Variants in TMEM87B observed in about 807,000 individuals in gnomAD.
TMEM87B encodes the protein transmembrane protein 87B.
Under a neutral mutation model 80.3 loss-of-function variants are expected in TMEM87B, and 83 were observed. That is an observed-to-expected ratio of 1.03 (90% confidence interval 0.87 to 1.24). TMEM87B has a LOEUF of 1.24. Among genes scored for constraint, TMEM87B ranks in the 50% most tolerant of loss-of-function variants. The pLI, the probability that TMEM87B is intolerant of heterozygous loss-of-function variation, is 0.00. For missense variants in TMEM87B, 625 were observed against 674.4 expected (o/e 0.93, Z 0.81); for synonymous variants, 219 against 230.5 (o/e 0.95, Z 0.45).
chr2:112,075,128 A>G (rs1678769449), intron 5 of TMEM87B, among the ~76,000 whole-genome samples, 166 bp downstream of exon 5: 1 of 152,250 alleles, frequency 6.6e-6, no homozygotes, highest in East Asian at 1.9e-4. Context: ...GGCCAGGTGC[A>G]GTGGCTCCTG....
intron 8 of TMEM87B, 31 bp from the exon 9 acceptor site, chr2:112,085,974 A>G (rs369524273): frequency 1.1e-5 from 18 of 1,594,768 alleles, no homozygotes; most frequent in East Asian, 2.3e-5. Flanking sequence ...GGTGTAGACA[A>G]AGTGAATTAT....
intron 3 of TMEM87B, among the ~76,000 whole-genome samples, chr2:112,066,251 A>T (rs551847502): frequency 6.6e-6 from 1 of 152,322 alleles, no homozygotes; most frequent in Non-Finnish European, 1.5e-5. Context: ...ATTCTACTAT[A>T]AGGATGCACT....
At chr2:112,071,449 C>G (rs1249636730) in intron 4 of TMEM87B, among the ~76,000 whole-genome samples, 1 of 151,994 alleles carries the variant, frequency 6.6e-6, no homozygotes, top group African/African-American at 2.4e-5. Context: ...TTACAGGCAC[C>G]TGTGACCATG....
At chr2:112,060,975 A>G (rs1451173243) in intron 2 of TMEM87B, among the ~76,000 whole-genome samples, 1 of 152,234 alleles carries the variant, frequency 6.6e-6, no homozygotes, top group African/African-American at 2.4e-5. Flanking sequence ...GATTTTTAAA[A>G]CTAGATAAAT....
chr2:112,087,271 G>A (rs926117961), intron 9 of TMEM87B, among the ~76,000 whole-genome samples: 1 of 152,012 alleles, frequency 6.6e-6, no homozygotes, highest in Non-Finnish European at 1.5e-5. Context: ...AAAGAGCCCT[G>A]GACCACACTG....
chr2:112,072,862 GTTAA>G (rs1233743328), intron 4 of TMEM87B, among the ~76,000 whole-genome samples: 36 of 119,444 alleles, frequency 3.0e-4, no homozygotes, highest in African/African-American at 1.1e-3. Flanking sequence ...ATGTTAGGTT[GTTAA>G]TTAATTTGAG....
chr2:112,077,030 C>T (rs1678843486), intron 5 of TMEM87B, among the ~76,000 whole-genome samples, 162 bp from the exon 6 acceptor site: 1 of 132,964 alleles, frequency 7.5e-6, no homozygotes, highest in Admixed American at 7.5e-5. Flanking sequence ...ATGGTGAGAC[C>T]CCCATCTCAA....
At chr2:112,111,381 G>T (rs1188315726) in intron 17 of TMEM87B, among the ~76,000 whole-genome samples, 1 of 152,188 alleles carries the variant, frequency 6.6e-6, no homozygotes, top group African/African-American at 2.4e-5. Flanking sequence ...CTTTGCATGT[G>T]AGGAAGTCAC....
chr2:112,056,151 C>G (rs1007119312), intron 1 of TMEM87B, among the ~76,000 whole-genome samples: 2 of 152,116 alleles, frequency 1.3e-5, no homozygotes, highest in African/African-American at 4.8e-5. Flanking sequence ...GTGGGCCACA[C>G]CCCTGAGGCC....
At chr2:112,115,993 A>G in intron 18 of TMEM87B, 91 bp from the exon 19 acceptor site, 5 of 917,294 alleles carry the variant, frequency 5.5e-6, no homozygotes, top group Middle Eastern at 2.4e-4. Context: ...TAGTTTCCCT[A>G]AATGTGGCTG....
intron 3 of TMEM87B, among the ~76,000 whole-genome samples, chr2:112,066,122 A>T (rs1678428534): frequency 6.6e-6 from 1 of 152,248 alleles, no homozygotes; most frequent in Non-Finnish European, 1.5e-5. Flanking sequence ...GTTTTCATCA[A>T]ACCTTCAGCC....
At chr2:112,089,972 G>A (rs1227566143) in intron 10 of TMEM87B, among the ~76,000 whole-genome samples, 1 of 152,182 alleles carries the variant, frequency 6.6e-6, no homozygotes, top group East Asian at 1.9e-4. Flanking sequence ...ATCCCAGAAA[G>A]GTTCATGGTT....
In TMEM87B at chr2:112,100,712, C is replaced by T; in HGVS notation, c.1450+17C>T. 2.0e-6 allele frequency: 3 copies of T among 1,506,906 alleles called. No individual in the cohort carries two copies. Among genetic ancestry groups the T allele is most frequent in the Middle Eastern group, 1.7e-4 (1 of 5,858 alleles). The allele number at this position is 1,506,906 out of a possible 1,614,324, so 93.3% of individuals were successfully genotyped here. On this transcript the variant is annotated intron_variant, in intron 15 of 18. Transcript: ENST00000283206. ...AAAATTTAAGTGAGTAATATGTTTT[C>T]TTTTTAAATGACCATTGTACATATT...
At chr2:112,084,761 T>G (rs1442125003) in intron 8 of TMEM87B, among the ~76,000 whole-genome samples, 2 of 152,266 alleles carry the variant, frequency 1.3e-5, no homozygotes, top group Non-Finnish European at 2.9e-5. Flanking sequence ...CTGCCGGTAC[T>G]CTCATCATCT....
intron 5 of TMEM87B, among the ~76,000 whole-genome samples, chr2:112,076,584 C>G (rs1342424018): frequency 6.6e-6 from 1 of 152,098 alleles, no homozygotes; most frequent in Non-Finnish European, 1.5e-5. Context: ...AAGTGATCCA[C>G]CCACCTCGGC....
intron 1 of TMEM87B, among the ~76,000 whole-genome samples, chr2:112,059,327 G>A (rs1437778278): frequency 2.6e-5 from 4 of 151,924 alleles, no homozygotes; most frequent in African/African-American, 7.3e-5. Flanking sequence ...GGGCCTGGCC[G>A]GATATGGGCC....
chr2:112,073,708 C>G (rs1483207750), intron 4 of TMEM87B, among the ~76,000 whole-genome samples: 2 of 152,114 alleles, frequency 1.3e-5, no homozygotes, highest in African/African-American at 2.4e-5. Context: ...AAGTCTCTCA[C>G]TATTATTGTG....
intron 6 of TMEM87B, among the ~76,000 whole-genome samples, chr2:112,080,414 C>T (rs1000392804): frequency 7.9e-5 from 12 of 152,070 alleles, no homozygotes; most frequent in Non-Finnish European, 1.6e-4. Context: ...TGCTCGCCAC[C>T]ACGCCCGGCT....
In TMEM87B at chr2:112,091,754, G is replaced by C; in HGVS notation, c.1075G>C (p.Ala359Pro). ...TGTTGTTCTTGATGACATTATTTTA[G>C]CAGTTATTGACTCCATTTTTGTGTG... ...LAVVLDDIIL[A>P]VIDSIFVWFI... Residue 359 changes from alanine to proline, a missense_variant, in exon 11 of 19, where the codon GCA becomes CCA. By Grantham distance (27) the Ala-to-Pro change is conservative. Transcript: ENST00000283206. 6.2e-7 allele frequency: 1 copy of C among 1,613,256 alleles called. No homozygotes were observed. The highest frequency in any genetic ancestry group is 8.5e-7 in the Non-Finnish European group (1 of 1,179,576).
Sources: gnomAD v4.1 joint callset for allele counts (sites outside exome capture counted in the v4.1 genomes callset) on GRCh38, gnomAD v4.1.1 for gene constraint, MANE v1.5 for transcripts, NCBI Gene and HGNC (gene_info 2026-07-23, HGNC 2026-07-21) for gene names.